HCRTR2: variants seen among roughly 807,000 people sequenced by gnomAD.
HCRTR2 encodes the protein orexin receptor type 2.
A neutral mutation model predicts 49.0 loss-of-function variants in HCRTR2; 22 were observed. That is an observed-to-expected ratio of 0.45 (90% CI 0.32 to 0.64). The LOEUF is 0.64. HCRTR2 is among the 30% of genes least tolerant of loss of function. The probability of loss-of-function intolerance (pLI) is 0.04; values close to 1 mark genes in which losing one functional copy is unlikely to be tolerated. For missense variants in HCRTR2, 491 were observed against 559.4 expected (o/e 0.88, Z 1.23); for synonymous variants, 236 against 205.3 (o/e 1.15, Z -1.28).
intron 1 of HCRTR2, among the ~76,000 whole-genome samples, chr6:55,139,651 A>G (rs1337224566): frequency 6.6e-6 from 1 of 152,212 alleles, no homozygotes; most frequent in Non-Finnish European, 1.5e-5. Flanking sequence ...AATGTGTAAT[A>G]AAAGCACCGG....
intron 1 of HCRTR2, among the ~76,000 whole-genome samples, chr6:55,246,275 C>T (rs185708592): frequency 2.2e-3 from 341 of 152,060 alleles, no homozygotes; most frequent in Middle Eastern, 3.4e-3. Flanking sequence ...CCTTAGAAAA[C>T]AAATACAATG....
intron 1 of HCRTR2, among the ~76,000 whole-genome samples, chr6:55,243,719 TA>T (rs1766377928): frequency 6.6e-6 from 1 of 151,932 alleles, no homozygotes; most frequent in South Asian, 2.1e-4. Flanking sequence ...CTTAGCAAAG[TA>T]AGGGAAAGAG....
chr6:55,216,452 CA>C (rs1325677253), intron 1 of HCRTR2, among the ~76,000 whole-genome samples: 1 of 152,050 alleles, frequency 6.6e-6, no homozygotes, highest in Non-Finnish European at 1.5e-5. Context: ...GAAATCAAAA[CA>C]AGTCATATAA....
At chr6:55,166,756 G>A (rs1291445911) in intron 1 of HCRTR2, among the ~76,000 whole-genome samples, 1 of 152,048 alleles carries the variant, frequency 6.6e-6, no homozygotes, top group Admixed American at 6.6e-5. Flanking sequence ...TACAAGAACA[G>A]TCAGATCAGT....
intron 3 of HCRTR2, among the ~76,000 whole-genome samples, chr6:55,258,093 A>T (rs1766686836): frequency 6.6e-6 from 1 of 152,002 alleles, no homozygotes; most frequent in Non-Finnish European, 1.5e-5. Flanking sequence ...TATATGTGTG[A>T]TTGTCACAAC....
chr6:55,268,681 A>G (rs531211194), intron 4 of HCRTR2, among the ~76,000 whole-genome samples: 1 of 152,322 alleles, frequency 6.6e-6, no homozygotes, highest in Non-Finnish European at 1.5e-5. Context: ...GTAAACATAC[A>G]TGCATTTAGC....
Position 55,280,334 on chromosome 6 carries a change from T to A in HCRTR2, c.995T>A (p.Met332Lys). Residue 332 changes from methionine to lysine, a missense_variant, in exon 6 of 7, where the codon ATG becomes AAG. Coordinates refer to ENST00000370862, the MANE Select transcript of HCRTR2 (RefSeq NM_001384272.1). The part of the protein sequence containing the change: ...ILNVLKRVFG[M>K]FAHTEDRETV... ...TTCTTTTCCTGCAGAGTATTTGGGA[T>A]GTTTGCCCATACTGAAGACAGAGAG... The A allele has an allele frequency of 1.2e-6, 2 of 1,603,440 alleles. No homozygotes were observed. The highest frequency in any genetic ancestry group is 1.7e-6 in the Non-Finnish European group (2 of 1,170,374).
At chr6:55,221,545 G>A (rs1045454795) in intron 1 of HCRTR2, among the ~76,000 whole-genome samples, 3 of 152,142 alleles carry the variant, frequency 2.0e-5, no homozygotes, top group Non-Finnish European at 2.9e-5. Context: ...CGGGCGTGGT[G>A]GCTCACGCCT....
chr6:55,174,351 G>T, upstream of HCRTR2: 1 of 556,450 alleles, frequency 1.8e-6, no homozygotes, highest in South Asian at 2.0e-5. Context: ...CGGGTCCCTA[G>T]TTCCTCAGCT....
intron 4 of HCRTR2, among the ~76,000 whole-genome samples, chr6:55,274,333 T>TTA (rs1226557752): frequency 1.4e-5 from 2 of 147,368 alleles, no homozygotes; most frequent in African/African-American, 4.9e-5. Flanking sequence ...ATATATATAC[T>TTA]TATATATATA....
Position 55,186,953 on chromosome 6 carries a change from C to T in HCRTR2, c.223+12143C>T, listed in dbSNP as rs9464204. Among the ~76,000 whole-genome samples the T allele has an allele frequency of 8.7e-3, 1,323 of 152,094 alleles. 20 individuals are homozygous for T. The highest frequency in any genetic ancestry group is 0.03 in the African/African-American group (1,256 of 41,454). ...AAAAAATAATAACACTTTCAGGTGG[C>T]GCACAAAACCAATGTTCATAGTAGA... On this transcript the variant is annotated intron_variant, in intron 1 of 6. Coordinates refer to ENST00000370862, the MANE Select transcript of HCRTR2 (RefSeq NM_001384272.1).
At chr6:55,265,278 G>A (rs1025304844) in intron 4 of HCRTR2, among the ~76,000 whole-genome samples, 28 of 152,068 alleles carry the variant, frequency 1.8e-4, no homozygotes, top group Non-Finnish European at 3.8e-4. Context: ...GTTTGTTACT[G>A]CAGCATCCTG....
At chr6:55,132,584 G>C (rs189554728) in intron 1 of HCRTR2, among the ~76,000 whole-genome samples, 342 of 151,900 alleles carry the variant, frequency 2.3e-3, no homozygotes, top group Middle Eastern at 6.8e-3. Context: ...GGGAGACATA[G>C]ATTATAAACA....
intron 1 of HCRTR2, among the ~76,000 whole-genome samples, chr6:55,187,670 C>G (rs1420166181): frequency 7.7e-6 from 1 of 129,106 alleles, no homozygotes; most frequent in African/African-American, 2.9e-5. Context: ...TGTGATAGGG[C>G]TATTATTTGA....
chr6:55,140,070 A>C (rs896450078), intron 1 of HCRTR2, among the ~76,000 whole-genome samples: 4 of 152,140 alleles, frequency 2.6e-5, no homozygotes, highest in Non-Finnish European at 5.9e-5. Context: ...TGCATAGTGG[A>C]TATTATTCCT....
At chr6:55,240,956 T>G (rs1766317839) in intron 1 of HCRTR2, among the ~76,000 whole-genome samples, 1 of 151,834 alleles carries the variant, frequency 6.6e-6, no homozygotes, top group African/African-American at 2.4e-5. Flanking sequence ...TCTTTTTTTT[T>G]GTTTTCTTTT....
chr6:55,129,622 A>G (rs1273769922), intron 1 of HCRTR2, among the ~76,000 whole-genome samples: 3 of 152,020 alleles, frequency 2.0e-5, no homozygotes, highest in Non-Finnish European at 4.4e-5. Context: ...TTCCATAAAT[A>G]TTTTTTAGCA....
intron 1 of HCRTR2, among the ~76,000 whole-genome samples, chr6:55,224,236 A>G (rs1765953138): frequency 1.3e-5 from 2 of 152,212 alleles, no homozygotes; most frequent in Admixed American, 1.3e-4. Context: ...TCAGTTCAGT[A>G]TGTCAAAGAG....
At chr6:55,133,899 A>G (rs1354722066) in intron 1 of HCRTR2, among the ~76,000 whole-genome samples, 2 of 151,846 alleles carry the variant, frequency 1.3e-5, no homozygotes, top group Non-Finnish European at 2.9e-5. Flanking sequence ...TATTGCCATA[A>G]CATAGTATAA....
Sources: gnomAD v4.1 joint callset for allele counts (sites outside exome capture counted in the v4.1 genomes callset) on GRCh38, gnomAD v4.1.1 for gene constraint, MANE v1.5 for transcripts, NCBI Gene and HGNC (gene_info 2026-07-23, HGNC 2026-07-21) for gene names.